Variants in CADM2 observed in about 807,000 individuals in gnomAD.
The protein encoded by CADM2 is cell adhesion molecule 2.
A neutral mutation model predicts 49.8 loss-of-function variants in CADM2; 12 were observed. The observed-to-expected ratio is 0.24, with a 90% CI of 0.15 to 0.39. CADM2 has a LOEUF of 0.39. CADM2 is among the 10% of genes least tolerant of loss of function. The pLI is 1.00. For missense variants in CADM2, 378 were observed against 492.3 expected, an observed-to-expected ratio of 0.77 and a Z score of 2.20; for synonymous variants, 214 against 175.4, an observed-to-expected ratio of 1.22 and a Z score of -1.74.
chr3:85,940,661 A>G (rs756154998), intron 7 of CADM2, among the ~76,000 whole-genome samples: 1 of 152,080 alleles, frequency 6.6e-6, no homozygotes, highest in Non-Finnish European at 1.5e-5. Flanking sequence ...TTAATCATTG[A>G]GATCTGTATG....
chr3:85,181,918 A>G (rs1349262545), intron 1 of CADM2, among the ~76,000 whole-genome samples: 2 of 149,520 alleles, frequency 1.3e-5, no homozygotes, highest in East Asian at 3.9e-4. Context: ...CGATATGACT[A>G]AAAGAAGAAT....
intron 2 of CADM2, among the ~76,000 whole-genome samples, chr3:85,793,107 C>A (rs1264537253): frequency 6.6e-6 from 1 of 152,098 alleles, no homozygotes; most frequent in Non-Finnish European, 1.5e-5. Flanking sequence ...ACCATTCTTT[C>A]TCTAAGTATA....
At chr3:86,027,315 G>A (rs933037915) in intron 8 of CADM2, among the ~76,000 whole-genome samples, 54 of 152,090 alleles carry the variant, frequency 3.6e-4, no homozygotes, top group African/African-American at 1.2e-3. Flanking sequence ...ATTGCATACC[G>A]TATATTGGAA....
At chr3:85,921,987 C>A (rs1719178372) in intron 6 of CADM2, among the ~76,000 whole-genome samples, 1 of 152,070 alleles carries the variant, frequency 6.6e-6, no homozygotes, top group Non-Finnish European at 1.5e-5. Context: ...TCCTTTTTCA[C>A]CAGTACCTTA....
chr3:85,174,874 G>A (rs2040734680), intron 1 of CADM2, among the ~76,000 whole-genome samples: 1 of 152,106 alleles, frequency 6.6e-6, no homozygotes, highest in South Asian at 2.1e-4. Flanking sequence ...TTTACTGTGT[G>A]ATTCTAGACA....
At chr3:85,735,679 T>C (rs1479056792) in intron 2 of CADM2, among the ~76,000 whole-genome samples, 1 of 152,138 alleles carries the variant, frequency 6.6e-6, no homozygotes, top group Non-Finnish European at 1.5e-5. Flanking sequence ...TAAAGTTATA[T>C]CTAGTAGAAT....
At chr3:85,806,105 C>T (rs1247564146) in intron 3 of CADM2, among the ~76,000 whole-genome samples, 1 of 147,212 alleles carries the variant, frequency 6.8e-6, no homozygotes. Flanking sequence ...AAGAGTTCTG[C>T]ATCCCTGAGC....
At chr3:85,948,868 A>T (rs1723057374) in intron 7 of CADM2, among the ~76,000 whole-genome samples, 1 of 151,542 alleles carries the variant, frequency 6.6e-6, no homozygotes, top group Non-Finnish European at 1.5e-5. Context: ...GCAAATCCAG[A>T]GTACCACAAG....
At chr3:85,267,363 TA>T (rs1010908945) in intron 1 of CADM2, among the ~76,000 whole-genome samples, 3 of 151,508 alleles carry the variant, frequency 2.0e-5, no homozygotes, top group Admixed American at 6.6e-5. Context: ...CTTGCTCATT[TA>T]AAAAAAATAT....
At chr3:85,325,419 A>G (rs78948087) in intron 1 of CADM2, among the ~76,000 whole-genome samples, 4,756 of 152,224 alleles carry the variant, frequency 0.031, 267 homozygotes, top group African/African-American at 0.11. Context: ...ACTTTTCTAA[A>G]GTATGAAGTC....
At chr3:85,589,376 C>A (rs2063039359) in intron 1 of CADM2, among the ~76,000 whole-genome samples, 1 of 151,806 alleles carries the variant, frequency 6.6e-6, no homozygotes, top group Non-Finnish European at 1.5e-5. Flanking sequence ...AGTCGTGGTC[C>A]AATAGAAAAG....
chr3:85,210,495 T>G (rs2041751097), intron 1 of CADM2, among the ~76,000 whole-genome samples: 1 of 152,102 alleles, frequency 6.6e-6, no homozygotes, highest in African/African-American at 2.4e-5. Context: ...ACTGGCCTTG[T>G]TGAATGAATT....
intron 1 of CADM2, among the ~76,000 whole-genome samples, chr3:85,593,041 C>G (rs1374004162): frequency 6.6e-6 from 1 of 151,908 alleles, no homozygotes; most frequent in African/African-American, 2.4e-5. Flanking sequence ...TCCCAGTGGC[C>G]AGTGTCATGG....
At chr3:85,189,950 A>ATT (rs141488458) in intron 1 of CADM2, among the ~76,000 whole-genome samples, 4 of 71,064 alleles carry the variant, frequency 5.6e-5, no homozygotes, top group African/African-American at 2.3e-4. Context: ...GGTCTCCCTC[A>ATT]TTTTTTTTTT....
At chr3:85,684,467 G>A (rs201492553) in intron 1 of CADM2, among the ~76,000 whole-genome samples, 51 of 151,570 alleles carry the variant, frequency 3.4e-4, no homozygotes, top group Non-Finnish European at 6.3e-4. Flanking sequence ...AGAGAGAGAG[G>A]GAGAGACTTA....
At chr3:85,886,637 C>T (rs530651420) in intron 5 of CADM2, among the ~76,000 whole-genome samples, 1 of 152,112 alleles carries the variant, frequency 6.6e-6, no homozygotes, top group Middle Eastern at 3.4e-3. Flanking sequence ...CACAATAGTA[C>T]ATATTAGATA....
rs374527423 is a variant in CADM2, at chr3:85,514,244, G to A, written c.62-212278G>A. ...AACCTGCCACATTACACAAAGAGTT[G>A]TAATGAGAATAATACCTGGAGACAG... On this transcript the variant is annotated intron_variant, in intron 1 of 9. Transcript: ENST00000383699. Among the ~76,000 whole-genome samples the A allele has an allele frequency of 8.5e-5, 13 of 152,130 alleles. 1 individual carries two copies. In the East Asian group the frequency reaches 2.1e-3, roughly 25 times the overall value.
rs546492730 is a variant in CADM2 at position 85,348,323 on chromosome 3, G to A, written c.62-378199G>A. ...GGCTCACCTGCATTATGAAAGGTGA[G>A]CTTCTTCAACAGTCTAGCAGCTTAA... On this transcript the variant is annotated intron_variant, in intron 1 of 9. Transcript: ENST00000383699. Among the ~76,000 whole-genome samples, 3 of 152,290 alleles carry A rather than the reference G, an allele frequency of 2.0e-5. No homozygotes were observed. The South Asian group carries it at 6.2e-4, about 32-fold the overall frequency.
intron 8 of CADM2, among the ~76,000 whole-genome samples, chr3:85,983,586 C>T (rs998806107): frequency 6.6e-6 from 1 of 151,636 alleles, no homozygotes; most frequent in Non-Finnish European, 1.5e-5. Flanking sequence ...TTTAGTAAAA[C>T]AAACATGTTT....
Sources: gnomAD v4.1 joint callset for allele counts (sites outside exome capture counted in the v4.1 genomes callset) on GRCh38, gnomAD v4.1.1 for gene constraint, MANE v1.5 for transcripts, NCBI Gene and HGNC (gene_info 2026-07-23, HGNC 2026-07-21) for gene names.